Variants in SH3KBP1 observed in about 807,000 individuals in gnomAD.
SH3KBP1 encodes the protein SH3 domain containing kinase binding protein 1, also known as SH3 domain-containing kinase-binding protein 1.
In SH3KBP1, 8 loss-of-function variants were observed where a neutral mutation model predicts 50.1. The observed-to-expected ratio is 0.16, with a 90% CI of 0.09 to 0.29. SH3KBP1 has a LOEUF of 0.29. SH3KBP1 is among the 10% of genes least tolerant of loss of function. The pLI, the probability that SH3KBP1 is intolerant of heterozygous loss-of-function variation, is 1.00. For synonymous variants in SH3KBP1, 227 were observed against 218.6 expected, an observed-to-expected ratio of 1.04 and a Z score of -0.34; for missense variants, 377 against 535.2, an observed-to-expected ratio of 0.70 and a Z score of 2.92.
chrX:19,628,518 G>A (rs2061503956), intron 8 of SH3KBP1, among the ~76,000 whole-genome samples: 1 of 111,437 alleles, frequency 9.0e-6, no homozygotes, highest in African/African-American at 3.3e-5. Context: ...CTGGGAGCTG[G>A]TAGCCTACAT....
At chrX:19,865,562 T>C (rs1339438610) in intron 1 of SH3KBP1, among the ~76,000 whole-genome samples, 1 of 112,006 alleles carries the variant, frequency 8.9e-6, no homozygotes, top group Non-Finnish European at 1.9e-5. Flanking sequence ...CAGTGATTCT[T>C]ATTGCCCAAG....
At chrX:19,756,136 C>A (rs1265396699) in intron 2 of SH3KBP1, among the ~76,000 whole-genome samples, 1 of 111,345 alleles carries the variant, frequency 9.0e-6, no homozygotes, top group East Asian at 2.8e-4. Context: ...TATTCCTGTA[C>A]AACAGTGCCT....
chrX:19,807,166 T>A (rs1229864690), intron 2 of SH3KBP1, among the ~76,000 whole-genome samples: 1 of 112,089 alleles, frequency 8.9e-6, no homozygotes. Context: ...TTCACATTCC[T>A]TTTCACCCTG....
At chrX:19,605,206 T>C (rs1171979636) in intron 9 of SH3KBP1, among the ~76,000 whole-genome samples, 1 of 110,950 alleles carries the variant, frequency 9.0e-6, no homozygotes, top group East Asian at 2.8e-4. Flanking sequence ...AGGCATGCTT[T>C]ACCCATTTGT....
chrX:19,751,065 A>G (rs2065051491), intron 2 of SH3KBP1, among the ~76,000 whole-genome samples: 1 of 111,863 alleles, frequency 8.9e-6, no homozygotes, highest in East Asian at 2.8e-4. Flanking sequence ...CTGTGGCTCC[A>G]GTGGAAACCT....
intron 9 of SH3KBP1, among the ~76,000 whole-genome samples, chrX:19,603,295 A>C (rs1275297299): frequency 1.8e-5 from 2 of 112,446 alleles, no homozygotes; most frequent in South Asian, 3.7e-4. Context: ...GCACCGGATA[A>C]ACGTGGCTTC....
At chrX:19,607,329 C>T (rs993538673) in intron 9 of SH3KBP1, among the ~76,000 whole-genome samples, 4 of 112,460 alleles carry the variant, frequency 3.6e-5, no homozygotes, top group East Asian at 5.6e-4. Context: ...CTTATTACAT[C>T]GTCAGCAGGG....
chrX:19,856,587 C>T (rs933850162), intron 1 of SH3KBP1, among the ~76,000 whole-genome samples: 3 of 111,383 alleles, frequency 2.7e-5, no homozygotes, highest in Non-Finnish European at 5.7e-5. Context: ...CACCCTCACA[C>T]TCAGTTAAAG....
intron 3 of SH3KBP1, among the ~76,000 whole-genome samples, chrX:19,730,890 A>G (rs765872410): frequency 2.7e-5 from 3 of 112,144 alleles, no homozygotes; most frequent in Non-Finnish European, 5.6e-5. Flanking sequence ...CTATATAGAA[A>G]ATAAACTGAA....
intron 2 of SH3KBP1, among the ~76,000 whole-genome samples, chrX:19,780,095 C>T: frequency 9.2e-6 from 1 of 108,905 alleles, no homozygotes; most frequent in Non-Finnish European, 1.9e-5. Flanking sequence ...ACATCTTCTC[C>T]AGCACCTGTT....
intron 12 of SH3KBP1, among the ~76,000 whole-genome samples, chrX:19,584,312 T>C (rs1027720461): frequency 1.4e-4 from 13 of 94,263 alleles, no homozygotes; most frequent in Non-Finnish European, 2.4e-4. Flanking sequence ...TATAAATATG[T>C]ATTTATAAAT....
intron 3 of SH3KBP1, chrX:19,740,909 A>C (rs895946350): frequency 3.4e-5 from 7 of 204,333 alleles, no homozygotes; most frequent in African/African-American, 2.1e-4. Flanking sequence ...AAGTGGGGAA[A>C]GGACGGGCAG....
chrX:19,669,322 A>T lies in SH3KBP1; in HGVS notation c.726+14501T>A, dbSNP rs761768494. 3.9e-3 allele frequency among the ~76,000 whole-genome samples: 381 copies of T among 98,613 alleles called. 1 individual carries two copies. Among genetic ancestry groups the T allele is most frequent in the Non-Finnish European group, 4.5e-3 (234 of 51,488 alleles). 85.6% of individuals were successfully genotyped at this position (98,613 alleles called of 115,157 possible). ...TTCAACTTTGAATAATAATAATAAT[A>T]ATAATTATTATTATTATTACAAAGA... On this transcript the variant is annotated intron_variant, in intron 6 of 17. Transcript: ENST00000397821.
chrX:19,545,273 C>A (rs1298887013), intron 15 of SH3KBP1, among the ~76,000 whole-genome samples: 1 of 112,016 alleles, frequency 8.9e-6, no homozygotes, highest in African/African-American at 3.2e-5. Flanking sequence ...ATTTTAAAAT[C>A]TTGGTTCGTA....
chrX:19,820,927 G>A (rs1296638882), intron 2 of SH3KBP1, among the ~76,000 whole-genome samples: 1 of 110,947 alleles, frequency 9.0e-6, no homozygotes, highest in Non-Finnish European at 1.9e-5. Context: ...AGACTACTTC[G>A]ATCAACATTT....
chrX:19,798,103 A>G (rs2066775494), intron 2 of SH3KBP1, among the ~76,000 whole-genome samples: 1 of 110,845 alleles, frequency 9.0e-6, no homozygotes, highest in Non-Finnish European at 1.9e-5. Context: ...TATTTTTTTG[A>G]CACAGGGTCT....
At position 19,628,436 on chromosome X, in the gene SH3KBP1, C is replaced by T. The variant is rs773347779; in HGVS notation, c.897+3428G>A. Reference sequence around the variant, plus strand: ...TGCTTTATGGCTGAGGAAACTCAGACTCAGAGGGGGTAAGCAACATGCCCG... The same window carrying T: ...TGCTTTATGGCTGAGGAAACTCAGATTCAGAGGGGGTAAGCAACATGCCCG... On this transcript the variant is annotated intron_variant, in intron 8 of 17. Coordinates refer to ENST00000397821, the MANE Select transcript of SH3KBP1 (RefSeq NM_031892.3). Among the ~76,000 whole-genome samples the T allele has an allele frequency of 2.1e-3, 234 of 111,138 alleles. 1 individual carries two copies. Among genetic ancestry groups the T allele is most frequent in the Non-Finnish European group, 4.0e-3 (212 of 53,047 alleles).
chrX:19,811,027 A>C (rs1029209925), intron 2 of SH3KBP1, among the ~76,000 whole-genome samples: 2 of 112,226 alleles, frequency 1.8e-5, no homozygotes, highest in Non-Finnish European at 3.8e-5. Context: ...CAATGTCATA[A>C]TCACTCATTT....
At chrX:19,554,468 C>T (rs1456140579) in intron 13 of SH3KBP1, among the ~76,000 whole-genome samples, 4 of 104,639 alleles carry the variant, frequency 3.8e-5, no homozygotes, top group African/African-American at 1.1e-4. Context: ...GTGGTACAAT[C>T]GCGGCTCACT....
Sources: gnomAD v4.1 joint callset for allele counts (sites outside exome capture counted in the v4.1 genomes callset) on GRCh38, gnomAD v4.1.1 for gene constraint, MANE v1.5 for transcripts, NCBI Gene and HGNC (gene_info 2026-07-23, HGNC 2026-07-21) for gene names.